MGAT4D: variants seen among roughly 807,000 people sequenced by gnomAD.
The protein encoded by MGAT4D is MGAT4 family member D.
A neutral mutation model predicts 15.9 loss-of-function variants in MGAT4D; 34 were observed. The observed-to-expected ratio is 2.14, with a 90% CI of 1.62 to 2.84. The LOEUF (loss-of-function observed/expected upper bound fraction) is 2.84, where lower values mean the gene tolerates loss of function less well. Among genes scored for constraint, MGAT4D ranks in the 30% most tolerant of loss-of-function variants. The pLI is 0.00. For missense variants in MGAT4D, 327 were observed against 140.2 expected (o/e 2.33, Z -6.73); for synonymous variants, 112 against 48.2 (o/e 2.33, Z -5.49).
Position 140,459,545 on chromosome 4 carries a change from A to G in MGAT4D, c.844T>C (p.Phe282Leu). 1 of 519,826 alleles carries G rather than the reference A, an allele frequency of 1.9e-6. No individual in the cohort carries two copies. The highest frequency in any genetic ancestry group is 3.4e-6 in the Non-Finnish European group (1 of 293,466). The allele number at this position is 519,826 out of a possible 1,614,324, so 32.2% of individuals were successfully genotyped here. The change falls in exon 8 of 11, where the codon TTT becomes CTT. Residue 282 changes from phenylalanine to leucine, a missense_variant. Coordinates refer to ENST00000511113, the MANE Select transcript of MGAT4D (RefSeq NM_001277353.2). ...CCAAGCATTGAAAACTCAATAAAAA[A>G]CCAATTATTTGAACTGATATTACCT... Reference protein sequence around the residue: ...FVGNISSNNWFFIEFSMLGFI... With the variant: ...FVGNISSNNWLFIEFSMLGFI...
intron 10 of MGAT4D, among the ~76,000 whole-genome samples, chr4:140,448,360 T>C (rs918778118): frequency 6.6e-6 from 1 of 152,204 alleles, no homozygotes; most frequent in Non-Finnish European, 1.5e-5. Flanking sequence ...ATCTGGCCTG[T>C]GTACATAATC....
At chr4:140,459,652 T>C in intron 7 of MGAT4D, 26 bp from the exon 8 acceptor site, 1 of 418,624 alleles carries the variant, frequency 2.4e-6, no homozygotes, top group Non-Finnish European at 4.3e-6. Context: ...CAAAAAGACA[T>C]TAATATCTTT....
At chr4:140,470,516 A>G (rs902962017) in intron 5 of MGAT4D, among the ~76,000 whole-genome samples, 3 of 152,242 alleles carry the variant, frequency 2.0e-5, no homozygotes, top group Non-Finnish European at 4.4e-5. Context: ...CACAGAGTGC[A>G]TATTTCTTAG....
At chr4:140,484,098 C>A (rs1166116195) in intron 1 of MGAT4D, among the ~76,000 whole-genome samples, 2 of 151,722 alleles carry the variant, frequency 1.3e-5, no homozygotes, top group Non-Finnish European at 2.9e-5. Flanking sequence ...ATATTTCAAC[C>A]CAAGAGACAA....
intron 1 of MGAT4D, among the ~76,000 whole-genome samples, chr4:140,487,561 TCCAAAA>T (rs1733225624): frequency 6.6e-6 from 1 of 152,194 alleles, no homozygotes; most frequent in Non-Finnish European, 1.5e-5. Flanking sequence ...ATACAATATA[TCCAAAA>T]TGTTTCAACA....
At chr4:140,489,263 G>C (rs558889909) in intron 1 of MGAT4D, among the ~76,000 whole-genome samples, 1 of 152,152 alleles carries the variant, frequency 6.6e-6, no homozygotes, top group African/African-American at 2.4e-5. Context: ...GTACATTTCA[G>C]ATTACTCCCC....
chr4:140,462,102 CAG>C, intron 6 of MGAT4D, 98 bp from the exon 7 acceptor site: 1 of 615,946 alleles, frequency 1.6e-6, no homozygotes, highest in Non-Finnish European at 2.9e-6. Context: ...AGTTTACTAA[CAG>C]TACTAGCTAC....
intron 1 of MGAT4D, among the ~76,000 whole-genome samples, chr4:140,488,471 T>TA (rs1277822480): frequency 1.4e-4 from 21 of 152,344 alleles, no homozygotes; most frequent in African/African-American, 5.1e-4. Flanking sequence ...AATATATTGT[T>TA]AAAATGGAAT....
intron 5 of MGAT4D, among the ~76,000 whole-genome samples, chr4:140,469,596 C>A (rs935966696): frequency 6.6e-6 from 1 of 152,092 alleles, no homozygotes. Flanking sequence ...TTTCTTTCTT[C>A]CCCCATCCCC....
At chr4:140,480,758 C>CACAT (rs1732657800) in intron 2 of MGAT4D, among the ~76,000 whole-genome samples, 1 of 150,672 alleles carries the variant, frequency 6.6e-6, no homozygotes, top group Admixed American at 6.6e-5. Context: ...CACACACACA[C>CACAT]ACACACACAC....
intron 9 of MGAT4D, among the ~76,000 whole-genome samples, chr4:140,453,396 G>A (rs1730594442): frequency 6.6e-6 from 1 of 151,936 alleles, no homozygotes; most frequent in Non-Finnish European, 1.5e-5. Flanking sequence ...ATCATGGTAT[G>A]TCTCTCTGTT....
chr4:140,492,960 C>A (rs1733600576), intron 1 of MGAT4D, among the ~76,000 whole-genome samples: 1 of 152,118 alleles, frequency 6.6e-6, no homozygotes, highest in Admixed American at 6.5e-5. Flanking sequence ...GTATTTATAT[C>A]CCAAGTTGAA....
At chr4:140,480,352 A>G (rs1044573042) in intron 2 of MGAT4D, among the ~76,000 whole-genome samples, 3 of 152,224 alleles carry the variant, frequency 2.0e-5, no homozygotes, top group African/African-American at 7.2e-5. Context: ...GTTCATAGAC[A>G]TAAATGTAAA....
At chr4:140,445,646 G>A (rs2126657410) in intron 10 of MGAT4D, among the ~76,000 whole-genome samples, 1 of 152,156 alleles carries the variant, frequency 6.6e-6, no homozygotes, top group South Asian at 2.1e-4. Flanking sequence ...ATCTTCCAGG[G>A]TTTTTATAGT....
chr4:140,470,886 A>ATT (rs1560782992), intron 5 of MGAT4D, among the ~76,000 whole-genome samples: 7 of 135,906 alleles, frequency 5.2e-5, no homozygotes, highest in African/African-American at 1.7e-4. Context: ...TTTATTTTAT[A>ATT]ATTTTTTTTT....
At chr4:140,485,810 TAAAAAAAAAAAAAAAA>T (rs61131099) in intron 1 of MGAT4D, among the ~76,000 whole-genome samples, 435 of 13,006 alleles carry the variant, frequency 0.033, 14 homozygotes, top group African/African-American at 0.055. Context: ...GACCCTGTCT[TAAAAAAAAAAAAAAAA>T]AAAAAAAAAA....
intron 1 of MGAT4D, among the ~76,000 whole-genome samples, chr4:140,489,662 T>C (rs1391914715): frequency 1.3e-5 from 2 of 152,230 alleles, no homozygotes; most frequent in Admixed American, 1.3e-4. Context: ...GCTTTTGAGA[T>C]TTATTTATAT....
At chr4:140,480,390 C>T (rs1732621846) in intron 2 of MGAT4D, among the ~76,000 whole-genome samples, 1 of 151,270 alleles carries the variant, frequency 6.6e-6, no homozygotes, top group Non-Finnish European at 1.5e-5. Context: ...TTTTTAAAAA[C>T]AAAAAAGAAA....
chr4:140,484,302 C>T (rs1371644805), intron 1 of MGAT4D, among the ~76,000 whole-genome samples: 10 of 152,158 alleles, frequency 6.6e-5, no homozygotes. Context: ...CTTGATACCA[C>T]TAATCATCAG....
Sources: allele counts gnomAD v4.1 joint callset (sites outside exome capture counted in the v4.1 genomes callset), GRCh38; gene constraint gnomAD v4.1.1; transcripts MANE v1.5; gene names NCBI Gene and HGNC (gene_info 2026-07-23, HGNC 2026-07-21).